The following CNTN4 variants were observed in gnomAD, a reference collection of about 807,000 sequenced individuals.
CNTN4 encodes contactin 4.
A neutral mutation model predicts 122.5 loss-of-function variants in CNTN4; 77 were observed. The observed-to-expected ratio is 0.63, with a 90% CI of 0.52 to 0.76. CNTN4 has a LOEUF of 0.76. Among genes scored for constraint, CNTN4 ranks in the 30% least tolerant of loss-of-function variants. CNTN4 has a pLI of 0.00. For missense variants in CNTN4, 1,256 were observed against 1,259.1 expected (o/e 1.00, Z 0.04); for synonymous variants, 512 against 447.0 (o/e 1.15, Z -1.83).
intron 13 of CNTN4, among the ~76,000 whole-genome samples, chr3:2,949,962 C>T (rs1180086174): frequency 2.0e-5 from 3 of 152,164 alleles, no homozygotes; most frequent in Admixed American, 6.5e-5. Flanking sequence ...TATATCTTAT[C>T]CCATTTGAAT....
At chr3:2,246,841 T>C (rs2040172464) in intron 2 of CNTN4, among the ~76,000 whole-genome samples, 1 of 151,822 alleles carries the variant, frequency 6.6e-6, no homozygotes, top group Non-Finnish European at 1.5e-5. Flanking sequence ...TCAGGGAATG[T>C]TCGTGGAATG....
At chr3:2,576,236 C>T (rs75471395) in intron 4 of CNTN4, among the ~76,000 whole-genome samples, 1,809 of 152,236 alleles carry the variant, frequency 0.012, 35 homozygotes, top group African/African-American at 0.039. Flanking sequence ...TCCCAGCATC[C>T]AGAAAATGTC....
At chr3:2,185,599 G>A (rs1647961953) in intron 2 of CNTN4, among the ~76,000 whole-genome samples, 1 of 152,108 alleles carries the variant, frequency 6.6e-6, no homozygotes, top group South Asian at 2.1e-4. Flanking sequence ...AATTTTCTGG[G>A]TCAGTGGGCA....
At chr3:2,643,662 A>C (rs1016422057) in intron 4 of CNTN4, among the ~76,000 whole-genome samples, 3 of 152,218 alleles carry the variant, frequency 2.0e-5, no homozygotes, top group Non-Finnish European at 4.4e-5. Context: ...AGCCAACATC[A>C]GTGGCATATT....
At chr3:2,291,004 A>T (rs776712587) in intron 2 of CNTN4, among the ~76,000 whole-genome samples, 1 of 152,212 alleles carries the variant, frequency 6.6e-6, no homozygotes, top group African/African-American at 2.4e-5. Flanking sequence ...TTTTTAAAAG[A>T]ATCCAACTAT....
chr3:2,590,468 G>T (rs71311713), intron 4 of CNTN4, among the ~76,000 whole-genome samples: 8,160 of 151,664 alleles, frequency 0.054, 334 homozygotes, highest in Non-Finnish European at 0.083. Flanking sequence ...TGTTGGCCAG[G>T]CTGGTCTCAA....
intron 3 of CNTN4, among the ~76,000 whole-genome samples, chr3:2,558,388 C>G (rs1255536196): frequency 6.6e-6 from 1 of 152,178 alleles, no homozygotes; most frequent in Non-Finnish European, 1.5e-5. Flanking sequence ...GTTCCTGAGC[C>G]TTCGCCTGCC....
intron 3 of CNTN4, among the ~76,000 whole-genome samples, chr3:2,375,119 A>T (rs906045260): frequency 2.0e-5 from 3 of 152,232 alleles, no homozygotes; most frequent in African/African-American, 7.2e-5. Context: ...ATTAACTTTG[A>T]AATTAATCAA....
At chr3:2,464,445 AG>A (rs1172326117) in intron 3 of CNTN4, among the ~76,000 whole-genome samples, 1 of 152,174 alleles carries the variant, frequency 6.6e-6, no homozygotes, top group African/African-American at 2.4e-5. Context: ...GGTAGCTTAA[AG>A]GAATGTTGAG....
chr3:2,886,073 C>A (rs758701561), intron 9 of CNTN4, among the ~76,000 whole-genome samples: 14 of 152,086 alleles, frequency 9.2e-5, no homozygotes, highest in Non-Finnish European at 1.3e-4. Flanking sequence ...GGTTAAAAAG[C>A]GCTACCAGAT....
At chr3:2,447,869 A>G (rs1258514172) in intron 3 of CNTN4, among the ~76,000 whole-genome samples, 1 of 152,140 alleles carries the variant, frequency 6.6e-6, no homozygotes, top group African/African-American at 2.4e-5. Context: ...TTAAGTGTAG[A>G]TACTATTATT....
At chr3:2,334,840 C>CATTA (rs2043878805) in intron 2 of CNTN4, among the ~76,000 whole-genome samples, 1 of 152,042 alleles carries the variant, frequency 6.6e-6, no homozygotes, top group Non-Finnish European at 1.5e-5. Flanking sequence ...TGAACATGTT[C>CATTA]GTTAGAATTA....
intron 6 of CNTN4, among the ~76,000 whole-genome samples, chr3:2,800,231 T>TA (rs2092315513): frequency 6.6e-6 from 1 of 152,188 alleles, no homozygotes; most frequent in African/African-American, 2.4e-5. Context: ...TTGCTTTGGA[T>TA]ACCACAGTGC....
chr3:2,304,274 TATGTAATAATC>T (rs1217563396), intron 2 of CNTN4, among the ~76,000 whole-genome samples: 1 of 152,188 alleles, frequency 6.6e-6, no homozygotes, highest in Non-Finnish European at 1.5e-5. Flanking sequence ...TTGAATGCCT[TATGTAATAATC>T]ATGTAGCTTA....
intron 2 of CNTN4, among the ~76,000 whole-genome samples, chr3:2,125,190 C>A (rs2727910): frequency 1.3e-5 from 2 of 151,802 alleles, no homozygotes; most frequent in Non-Finnish European, 2.9e-5. Flanking sequence ...ATTTTAGATA[C>A]CTTATATAAG....
intron 13 of CNTN4, among the ~76,000 whole-genome samples, chr3:2,969,153 C>G (rs1329676401): frequency 6.6e-6 from 1 of 152,128 alleles, no homozygotes; most frequent in African/African-American, 2.4e-5. Context: ...GCTGTATGTG[C>G]TAAGGGAATA....
rs937357189 is a variant in CNTN4 at position 2,648,129 on chromosome 3, C to A, written c.55+76571C>A. 4.6e-5 allele frequency among the ~76,000 whole-genome samples: 7 copies of A among 152,224 alleles called. No individual in the cohort carries two copies. The East Asian group carries it at 5.8e-4, about 13-fold the overall frequency. On this transcript the variant is annotated intron_variant, in intron 4 of 24. Transcript: ENST00000418658. ...CAAAATGCCACTTTGCCTTCAGAAC[C>A]ACCATCTAAACATTATCTTAATGAC...
intron 4 of CNTN4, among the ~76,000 whole-genome samples, chr3:2,582,310 C>T (rs1053365390): frequency 6.6e-6 from 1 of 152,172 alleles, no homozygotes; most frequent in East Asian, 1.9e-4. Context: ...TATCCCAGTT[C>T]TCTCATTTTA....
intron 13 of CNTN4, among the ~76,000 whole-genome samples, chr3:2,969,466 A>C (rs1692660096): frequency 6.6e-6 from 1 of 152,126 alleles, no homozygotes; most frequent in Admixed American, 6.6e-5. Context: ...CAGCCACCCA[A>C]AGTACATGGT....
Sources: gnomAD v4.1 joint callset for allele counts (sites outside exome capture counted in the v4.1 genomes callset) on GRCh38, gnomAD v4.1.1 for gene constraint, MANE v1.5 for transcripts, NCBI Gene and HGNC (gene_info 2026-07-23, HGNC 2026-07-21) for gene names.